KCNT2: variants seen among roughly 807,000 people sequenced by gnomAD.
KCNT2 encodes the protein potassium channel subfamily T member 2.
Under a neutral mutation model 153.8 loss-of-function variants are expected in KCNT2, and 67 were observed. That is an observed-to-expected ratio of 0.44 (90% CI 0.36 to 0.53). The LOEUF is 0.53. Ranked by LOEUF, KCNT2 falls within the 20% of genes least tolerant of loss-of-function variation. The pLI is 0.00. For missense variants in KCNT2, 975 were observed against 1,354.8 expected (o/e 0.72, Z 4.40); for synonymous variants, 500 against 458.8 (o/e 1.09, Z -1.15).
intron 1 of KCNT2, among the ~76,000 whole-genome samples, chr1:196,514,378 G>A (rs1194625157): frequency 6.6e-6 from 1 of 151,232 alleles, no homozygotes; most frequent in Non-Finnish European, 1.5e-5. Flanking sequence ...ACTAATATTG[G>A]GGCTGATTTG....
chr1:196,536,475 G>A (rs1655590341), intron 1 of KCNT2, among the ~76,000 whole-genome samples: 1 of 152,194 alleles, frequency 6.6e-6, no homozygotes, highest in Non-Finnish European at 1.5e-5. Flanking sequence ...AGTACTAGGT[G>A]GGACTGCAAC....
At chr1:196,561,414 T>A (rs192950027) in intron 1 of KCNT2, among the ~76,000 whole-genome samples, 24 of 150,522 alleles carry the variant, frequency 1.6e-4, no homozygotes, top group Non-Finnish European at 3.3e-4. Context: ...AGAAGAGAAG[T>A]ATATGTATTT....
At chr1:196,245,841 A>T (rs542451741) in intron 26 of KCNT2, among the ~76,000 whole-genome samples, 1 of 152,298 alleles carries the variant, frequency 6.6e-6, no homozygotes, top group Non-Finnish European at 1.5e-5. Context: ...AAGCATGCCT[A>T]CAGAATCTAG....
intron 8 of KCNT2, among the ~76,000 whole-genome samples, chr1:196,456,832 A>C (rs539555718): frequency 6.6e-6 from 1 of 152,112 alleles, no homozygotes; most frequent in Admixed American, 6.6e-5. Flanking sequence ...CATATCAGAA[A>C]TATATTCTAG....
intron 17 of KCNT2, among the ~76,000 whole-genome samples, chr1:196,332,140 A>T (rs1184825811): frequency 6.6e-6 from 1 of 152,196 alleles, no homozygotes; most frequent in Non-Finnish European, 1.5e-5. Flanking sequence ...CTTAAAGAAG[A>T]GATGCAAATC....
In KCNT2 at chr1:196,450,464, C is replaced by T. The variant is rs147635437; in HGVS notation, c.638+14829G>A. On this transcript the variant is annotated intron_variant, in intron 8 of 27. Coordinates refer to ENST00000294725, the MANE Select transcript of KCNT2 (RefSeq NM_198503.5). ...AAAGTTATGTAGAATATAATGAACT[C>T]CTTATTTCCATTCCTTTCCAGATTC... Among the ~76,000 whole-genome samples the T allele has an allele frequency of 3.3e-3, 504 of 151,966 alleles. 2 individuals are homozygous for T. Among genetic ancestry groups the T allele is most frequent in the Non-Finnish European group, 5.7e-3 (390 of 67,874 alleles).
intron 14 of KCNT2, among the ~76,000 whole-genome samples, chr1:196,361,007 T>A (rs1372649498): frequency 2.6e-5 from 4 of 151,946 alleles, no homozygotes; most frequent in African/African-American, 9.7e-5. Context: ...GGGAATGATA[T>A]GGGATAGAAG....
chr1:196,285,790 G>A (rs1480864627), intron 22 of KCNT2, 32 bp from the exon 23 acceptor site: 5 of 1,295,128 alleles, frequency 3.9e-6, no homozygotes, highest in Middle Eastern at 1.8e-4. Flanking sequence ...AAAAATTTGT[G>A]AGCATTCCAC....
intron 1 of KCNT2, among the ~76,000 whole-genome samples, chr1:196,590,238 C>G (rs543858528): frequency 6.6e-6 from 1 of 152,154 alleles, no homozygotes; most frequent in African/African-American, 2.4e-5. Flanking sequence ...CACTTTTGAC[C>G]GAGTATAGCT....
At position 196,340,517 on chromosome 1, in the gene KCNT2, A is replaced by T; in HGVS notation, c.1607T>A (p.Leu536Gln). ...VRREDNKNILLNPGPRYIMNS... is the reference protein window; with the variant it reads ...VRREDNKNILQNPGPRYIMNS... ...CATAATGTATCGAGGACCTGGATTC[A>T]GCAAAATGTTTTTATTATCCTCCCT... Residue 536 changes from leucine to glutamine, a missense_variant, in exon 16 of 28, where the codon CTG (leucine) becomes CAG (glutamine). Coordinates refer to ENST00000294725, the MANE Select transcript of KCNT2 (RefSeq NM_198503.5). 6.2e-7 allele frequency: 1 copy of T among 1,611,482 alleles called. No homozygotes were observed. Among genetic ancestry groups the T allele is most frequent in the Non-Finnish European group, 8.5e-7 (1 of 1,178,580 alleles).
intron 1 of KCNT2, among the ~76,000 whole-genome samples, chr1:196,605,641 T>C (rs1665234181): frequency 6.6e-6 from 1 of 152,166 alleles, no homozygotes; most frequent in Non-Finnish European, 1.5e-5. Flanking sequence ...GGCTTCCTCC[T>C]CAACTCTATA....
At chr1:196,333,581 T>C (rs1222473297) in intron 17 of KCNT2, among the ~76,000 whole-genome samples, 1 of 152,108 alleles carries the variant, frequency 6.6e-6, no homozygotes, top group East Asian at 1.9e-4. Context: ...GATTTTTTTT[T>C]CCTTGAGGAT....
chr1:196,257,721 A>T, intron 26 of KCNT2: 1 of 984,272 alleles, frequency 1.0e-6, no homozygotes, highest in Non-Finnish European at 1.2e-6. Flanking sequence ...TGAGCTTCAA[A>T]ATTAAAGTTT....
At chr1:196,243,928 G>C (rs1177699042) in intron 26 of KCNT2, among the ~76,000 whole-genome samples, 2 of 151,946 alleles carry the variant, frequency 1.3e-5, no homozygotes, top group Non-Finnish European at 2.9e-5. Flanking sequence ...ACAGCTGCAA[G>C]AGAGGCTTCT....
intron 27 of KCNT2, among the ~76,000 whole-genome samples, chr1:196,232,342 A>T (rs956078165): frequency 4.6e-5 from 7 of 151,864 alleles, no homozygotes; most frequent in South Asian, 4.1e-4. Context: ...TTTTAGAAAA[A>T]CATAAAAGAT....
chr1:196,497,105 TGC>T (rs1210814641), intron 1 of KCNT2, among the ~76,000 whole-genome samples: 3 of 152,228 alleles, frequency 2.0e-5, no homozygotes, highest in African/African-American at 7.2e-5. Context: ...TATAAGAGGA[TGC>T]CTCTAGTGTT....
At chr1:196,339,946 A>G (rs1168821614) in intron 16 of KCNT2, among the ~76,000 whole-genome samples, 1 of 151,176 alleles carries the variant, frequency 6.6e-6, no homozygotes, top group African/African-American at 2.4e-5. Context: ...CAAAAGAAAT[A>G]TAAAAGTGTG....
intron 21 of KCNT2, among the ~76,000 whole-genome samples, chr1:196,307,538 C>T (rs946284329): frequency 7.2e-5 from 11 of 152,090 alleles, no homozygotes; most frequent in African/African-American, 2.4e-4. Context: ...AACTAGAAAG[C>T]ATGGTTTCCC....
chr1:196,470,789 C>A (rs1223191192), intron 5 of KCNT2, among the ~76,000 whole-genome samples: 1 of 151,996 alleles, frequency 6.6e-6, no homozygotes, highest in Non-Finnish European at 1.5e-5. Context: ...TTCCCTGTGC[C>A]ATGTAGGTCT....
Sources: allele counts gnomAD v4.1 joint callset (sites outside exome capture counted in the v4.1 genomes callset), GRCh38; gene constraint gnomAD v4.1.1; transcripts MANE v1.5; gene names NCBI Gene and HGNC (gene_info 2026-07-23, HGNC 2026-07-21).